The following PHF20L1 variants were observed in gnomAD, a reference collection of about 807,000 sequenced individuals.
The protein encoded by PHF20L1 is PHD finger protein 20 like 1.
PHF20L1 carries 44 observed loss-of-function variants against 125.5 expected under a neutral mutation model. The observed-to-expected ratio is 0.35, with a 90% CI of 0.28 to 0.45. The LOEUF (loss-of-function observed/expected upper bound fraction) is 0.45, where lower values mean the gene tolerates loss of function less well. PHF20L1 is among the 20% of genes least tolerant of loss of function. The probability of loss-of-function intolerance (pLI) is 1.00; values close to 1 mark genes in which losing one functional copy is unlikely to be tolerated. For synonymous variants in PHF20L1, 380 were observed against 403.1 expected (o/e 0.94, Z 0.69); for missense variants, 1,012 against 1,217.2 (o/e 0.83, Z 2.51).
chr8:132,817,301 C>T (rs927282490), intron 11 of PHF20L1, 38 bp from the exon 12 acceptor site: 1 of 1,524,404 alleles, frequency 6.6e-7, no homozygotes. Flanking sequence ...GCCATTTTAT[C>T]TGTGTTAATA....
chr8:132,823,766 A>G (rs1340323777), intron 12 of PHF20L1, among the ~76,000 whole-genome samples: 2 of 151,918 alleles, frequency 1.3e-5, no homozygotes, highest in Admixed American at 1.3e-4. Flanking sequence ...AAGTGGTGGA[A>G]CCAGATGTTG....
chr8:132,826,848 T>G (rs1836239798), intron 14 of PHF20L1: 1 of 152,016 alleles, frequency 6.6e-6, no homozygotes, highest in Admixed American at 6.6e-5. Flanking sequence ...TCATACCCAT[T>G]TTTTTCATAT....
intron 9 of PHF20L1, 166 bp downstream of exon 9, chr8:132,811,294 C>T: frequency 1.5e-6 from 2 of 1,374,710 alleles, no homozygotes; most frequent in East Asian, 5.6e-5. Flanking sequence ...ATACAGATAA[C>T]TACAGACTTC....
chr8:132,793,662 G>A (rs986018794), intron 2 of PHF20L1, among the ~76,000 whole-genome samples: 1 of 152,166 alleles, frequency 6.6e-6, no homozygotes, highest in Non-Finnish European at 1.5e-5. Flanking sequence ...AAGATTTTAA[G>A]TTAACTAATT....
intron 8 of PHF20L1, chr8:132,809,196 T>G (rs1834078632): frequency 6.6e-6 from 1 of 152,172 alleles, no homozygotes; most frequent in South Asian, 2.1e-4. Flanking sequence ...AGATGGAATC[T>G]CACTCTGTTC....
rs1240696641 is a variant in PHF20L1 at position 132,847,036 on chromosome 8, A to G, written c.*1113A>G. The G allele has an allele frequency of 6.6e-6, 1 of 152,526 alleles. No homozygotes were observed. The highest frequency in any genetic ancestry group is 1.5e-5 in the Non-Finnish European group (1 of 67,988). The allele number at this position is 152,526 out of a possible 1,614,324, so 9.4% of individuals were successfully genotyped here. A position where few individuals can be genotyped will look rare whatever the true frequency, so the allele number is the denominator to read the frequency against. On this transcript the variant is annotated 3_prime_UTR_variant, in exon 21 of 21. Transcript: ENST00000395386. The stretch of plus-strand genomic sequence containing the variant: ...CAAGTGGACAAATTTCTGAAACCAA[A>G]GGCAACTAAGTTGCTGTGTTAGCTC...
rs1375203447 is a variant in PHF20L1 at position 132,816,881 on chromosome 8, T to G, written c.1184-7T>G. ...CTGCTTCGTGAACATTGAAGATCTT[T>G]TTCTAGGTCCTCCACAGCCTGTGAA... On this transcript the variant is annotated splice_region_variant and splice_polypyrimidine_tract_variant and intron_variant, in intron 10 of 20. Transcript: ENST00000395386. 6.2e-7 allele frequency: 1 copy of G among 1,603,544 alleles called. No individual in the cohort carries two copies. Among genetic ancestry groups the G allele is most frequent in the African/African-American group, 1.3e-5 (1 of 74,456 alleles).
At chr8:132,790,299 A>G (rs77187771) in intron 2 of PHF20L1, among the ~76,000 whole-genome samples, 3,075 of 152,298 alleles carry the variant, frequency 0.02, 107 homozygotes, top group African/African-American at 0.071. Flanking sequence ...TCAAAACATT[A>G]CTATGAGCCA....
At chr8:132,789,155 A>G (rs1047908299) in intron 2 of PHF20L1, among the ~76,000 whole-genome samples, 1 of 152,166 alleles carries the variant, frequency 6.6e-6, no homozygotes, top group Non-Finnish European at 1.5e-5. Context: ...AGTTGATACA[A>G]CAGGGAACTG....
At chr8:132,777,644 C>T (rs1027426893) in intron 1 of PHF20L1, 148 bp from the exon 2 acceptor site, 2 of 531,110 alleles carry the variant, frequency 3.8e-6, no homozygotes, top group Non-Finnish European at 6.7e-6. Context: ...GGTAATACTC[C>T]TTCAAATTTC....
chr8:132,837,920 G>A lies in PHF20L1; in HGVS notation c.2191+109G>A, dbSNP rs1837543476. ...CCACTACAGCAAGTTCTCACATGAT[G>A]TCATTGATAGGTTCTTGGAAACTGT... On this transcript the variant is annotated intron_variant, in intron 17 of 20. Transcript: ENST00000395386. The A allele has an allele frequency of 6.9e-6, 5 of 721,394 alleles. No individual in the cohort carries two copies. In the East Asian group the frequency reaches 1.4e-4, roughly 20 times the overall value. 44.7% of individuals were successfully genotyped at this position (721,394 alleles called of 1,614,324 possible).
chr8:132,837,976 A>G, intron 17 of PHF20L1, 165 bp downstream of exon 17: 2 of 580,126 alleles, frequency 3.4e-6, no homozygotes, highest in Non-Finnish European at 6.3e-6. Flanking sequence ...GCTATATGCC[A>G]TAGGAACTTA....
In PHF20L1 at chr8:132,814,799, C is replaced by T; in HGVS notation, c.1093C>T (p.Pro365Ser). 6.2e-7 allele frequency: 1 copy of T among 1,612,340 alleles called. No individual in the cohort carries two copies. The highest frequency in any genetic ancestry group is 8.5e-7 in the Non-Finnish European group (1 of 1,178,684). Residue 365 changes from proline (P) to serine (S), a missense_variant, in exon 10 of 21, where the codon CCC (proline) becomes TCC (serine). Transcript: ENST00000395386. ...ESGDSSGCIKPPKSPLSPELI... is the reference protein window; with the variant it reads ...ESGDSSGCIKSPKSPLSPELI... ...TGGAGATTCTTCTGGGTGTATAAAA[C>T]CCCCTAAATCACCACTTTCCCCAGA... is the stretch of plus-strand genomic sequence containing the variant.
intron 14 of PHF20L1, among the ~76,000 whole-genome samples, chr8:132,825,810 A>G (rs536912322): frequency 1.8e-4 from 27 of 152,184 alleles, no homozygotes; most frequent in African/African-American, 6.3e-4. Flanking sequence ...AATCAGAGGG[A>G]TGCAGCCCCA....
chr8:132,843,077 T>A, intron 19 of PHF20L1: 1 of 1,292,530 alleles, frequency 7.7e-7, no homozygotes, highest in Non-Finnish European at 9.8e-7. Context: ...TAATTCAGAA[T>A]TGTAGTAATT....
At chr8:132,831,364 C>A (rs1036431696) in intron 14 of PHF20L1, among the ~76,000 whole-genome samples, 2 of 150,598 alleles carry the variant, frequency 1.3e-5, no homozygotes, top group African/African-American at 2.4e-5. Flanking sequence ...CACACCCCCA[C>A]CTCCTTTTTT....
intron 20 of PHF20L1, among the ~76,000 whole-genome samples, 179 bp from the exon 21 acceptor site, chr8:132,845,602 A>G (rs1169647661): frequency 1.3e-5 from 2 of 151,930 alleles, no homozygotes; most frequent in East Asian, 3.9e-4. Flanking sequence ...AGGGACTAGA[A>G]CTCTGTGGGG....
chr8:132,788,365 T>G (rs1831291613), intron 2 of PHF20L1, among the ~76,000 whole-genome samples: 1 of 152,168 alleles, frequency 6.6e-6, no homozygotes, highest in African/African-American at 2.4e-5. Flanking sequence ...AATAACTTAT[T>G]GAGGCAGTTT....
At chr8:132,822,851 T>A (rs1288972989) in intron 12 of PHF20L1, among the ~76,000 whole-genome samples, 1 of 151,932 alleles carries the variant, frequency 6.6e-6, no homozygotes, top group Admixed American at 6.6e-5. Context: ...AATTTCAGAT[T>A]TTTTGATACT....
Sources: allele counts gnomAD v4.1 joint callset (sites outside exome capture counted in the v4.1 genomes callset), GRCh38; gene constraint gnomAD v4.1.1; transcripts MANE v1.5; gene names NCBI Gene and HGNC (gene_info 2026-07-23, HGNC 2026-07-21).